Variants in MARCHF1 observed in about 807,000 individuals in gnomAD.
MARCHF1 encodes the protein membrane associated ring-CH-type finger 1, also known as E3 ubiquitin-protein ligase MARCHF1.
Under a neutral mutation model 54.2 loss-of-function variants are expected in MARCHF1, and 40 were observed. The observed-to-expected ratio is 0.74, with a 90% confidence interval of 0.57 to 0.96. MARCHF1 has a LOEUF of 0.96. MARCHF1 is among the 40% of genes least tolerant of loss of function. The probability of loss-of-function intolerance (pLI) is 0.00; values close to 1 mark genes in which losing one functional copy is unlikely to be tolerated. For synonymous variants in MARCHF1, 236 were observed against 236.3 expected, an observed-to-expected ratio of 1.00 and a Z score of 0.01; for missense variants, 586 against 656.5, an observed-to-expected ratio of 0.89 and a Z score of 1.17.
intron 4 of MARCHF1, among the ~76,000 whole-genome samples, chr4:163,772,707 G>GAA (rs1367304794): frequency 6.6e-6 from 1 of 151,916 alleles, no homozygotes; most frequent in Non-Finnish European, 1.5e-5. Flanking sequence ...ACTAGCCAAA[G>GAA]AAAAGCCCTG....
chr4:164,376,592 G>A (rs1218513205), intron 1 of MARCHF1, among the ~76,000 whole-genome samples: 1 of 152,142 alleles, frequency 6.6e-6, no homozygotes, highest in African/African-American at 2.4e-5. Context: ...GCCGGTTGAG[G>A]CTCCTTCTCA....
At chr4:164,012,701 C>T (rs2110946303) in intron 2 of MARCHF1, among the ~76,000 whole-genome samples, 1 of 152,254 alleles carries the variant, frequency 6.6e-6, no homozygotes, top group Non-Finnish European at 1.5e-5. Flanking sequence ...AAGAGAGACT[C>T]CTTTTGATTG....
At chr4:164,017,484 C>T (rs1355552188) in intron 2 of MARCHF1, among the ~76,000 whole-genome samples, 1 of 151,780 alleles carries the variant, frequency 6.6e-6, no homozygotes, top group Admixed American at 6.6e-5. Flanking sequence ...CAATTGAAAA[C>T]CAATATGCAA....
At chr4:164,148,355 A>T (rs551496232) in intron 1 of MARCHF1, among the ~76,000 whole-genome samples, 7 of 152,296 alleles carry the variant, frequency 4.6e-5, no homozygotes, top group African/African-American at 1.7e-4. Flanking sequence ...CTCTTGAAGA[A>T]AATGTCATAC....
At chr4:163,561,476 GAA>G in intron 8 of MARCHF1, among the ~76,000 whole-genome samples, 1 of 152,090 alleles carries the variant, frequency 6.6e-6, no homozygotes, top group East Asian at 1.9e-4. Flanking sequence ...CAAGATTTCT[GAA>G]ATACATCTAT....
chr4:164,001,738 G>A (rs1306864955), intron 2 of MARCHF1, among the ~76,000 whole-genome samples: 3 of 151,800 alleles, frequency 2.0e-5, no homozygotes, highest in African/African-American at 7.2e-5. Flanking sequence ...GAGAGTAATA[G>A]AGATGGATGG....
intron 1 of MARCHF1, chr4:164,190,265 C>G: frequency 9.8e-7 from 1 of 1,020,464 alleles, no homozygotes; most frequent in Non-Finnish European, 1.5e-6. Flanking sequence ...AGCCACTTAT[C>G]AGCAAACTCT....
chr4:164,099,310 A>G lies in MARCHF1; in HGVS notation c.-248+12278T>C, dbSNP rs563558818. ...CTCTTTCCATTTATTTAATAAGAGCAGGTTAGAATGTTAGCACTTTCAATG... is the reference window on the plus strand; with the variant it reads ...CTCTTTCCATTTATTTAATAAGAGCGGGTTAGAATGTTAGCACTTTCAATG... On this transcript the variant is annotated intron_variant, in intron 2 of 9. Transcript: ENST00000514618. Among the ~76,000 whole-genome samples, 8 of 152,346 alleles carry G rather than the reference A, an allele frequency of 5.3e-5. No homozygotes were observed. In the East Asian group the frequency reaches 1.5e-3, roughly 29 times the overall value.
chr4:164,228,021 G>A lies in MARCHF1; in HGVS notation c.-322-116359C>T, dbSNP rs574037510. 1.5e-3 allele frequency among the ~76,000 whole-genome samples: 225 copies of A among 152,248 alleles called. 2 individuals are homozygous for A. The highest frequency in any genetic ancestry group is 2.2e-3 in the Non-Finnish European group (149 of 68,034). On this transcript the variant is annotated intron_variant, in intron 1 of 9. Coordinates refer to ENST00000514618, the MANE Select transcript of MARCHF1 (RefSeq NM_001394959.1). Reference sequence around the variant, plus strand: ...CTCATTTACAAAATTGAAATATTAAGAGGAATTATTCAACAGATATTTTAT... The same window carrying A: ...CTCATTTACAAAATTGAAATATTAAAAGGAATTATTCAACAGATATTTTAT...
chr4:164,352,331 G>A, intron 1 of MARCHF1, among the ~76,000 whole-genome samples: 1 of 116,170 alleles, frequency 8.6e-6, no homozygotes, highest in Non-Finnish European at 1.9e-5. Flanking sequence ...AAGTTGAAAT[G>A]AAGGAAAAAA....
intron 2 of MARCHF1, among the ~76,000 whole-genome samples, chr4:164,016,662 G>A (rs184340417): frequency 1.3e-5 from 2 of 152,230 alleles, no homozygotes; most frequent in African/African-American, 4.8e-5. Flanking sequence ...TGGGAAGGAT[G>A]CTGTGGAGGG....
chr4:164,053,949 C>T (rs960879181), intron 2 of MARCHF1, among the ~76,000 whole-genome samples: 2 of 152,068 alleles, frequency 1.3e-5, no homozygotes, highest in Non-Finnish European at 2.9e-5. Context: ...TAAAGAGCTT[C>T]TGCACAGCAA....
intron 7 of MARCHF1, among the ~76,000 whole-genome samples, chr4:163,590,393 A>G (rs894868153): frequency 2.0e-5 from 3 of 152,038 alleles, no homozygotes; most frequent in Non-Finnish European, 4.4e-5. Flanking sequence ...CAGACATCTC[A>G]GTGTCTTTCA....
chr4:163,564,249 G>A (rs60696742), intron 8 of MARCHF1, among the ~76,000 whole-genome samples: 2,227 of 152,282 alleles, frequency 0.015, 59 homozygotes, highest in African/African-American at 0.051. Flanking sequence ...CAACCAAAAA[G>A]CCTTTGTTGA....
At chr4:164,077,843 G>A (rs771760743) in intron 2 of MARCHF1, among the ~76,000 whole-genome samples, 6 of 152,108 alleles carry the variant, frequency 3.9e-5, no homozygotes, top group Non-Finnish European at 5.9e-5. Context: ...ACCATCTCAC[G>A]CCAGTGAGAA....
At chr4:164,240,871 CAG>C (rs1732722036) in intron 1 of MARCHF1, among the ~76,000 whole-genome samples, 1 of 152,082 alleles carries the variant, frequency 6.6e-6, no homozygotes. Flanking sequence ...TAAAAAGCCA[CAG>C]GGTTAGAATT....
chr4:163,634,714 C>A (rs910649614), intron 5 of MARCHF1, among the ~76,000 whole-genome samples: 17 of 150,948 alleles, frequency 1.1e-4, no homozygotes, highest in African/African-American at 3.4e-4. Context: ...CAAGGATACC[C>A]AGGAATTGAG....
chr4:164,178,767 G>T (rs1730755060), intron 1 of MARCHF1, among the ~76,000 whole-genome samples: 1 of 151,904 alleles, frequency 6.6e-6, no homozygotes, highest in East Asian at 1.9e-4. Flanking sequence ...AAAAATACTG[G>T]TATATTTAAC....
intron 1 of MARCHF1, among the ~76,000 whole-genome samples, chr4:164,343,472 A>G (rs180736868): frequency 6.6e-6 from 1 of 152,278 alleles, no homozygotes; most frequent in African/African-American, 2.4e-5. Flanking sequence ...GCATTCAACA[A>G]AGGTCTAGTA....
Sources: allele counts gnomAD v4.1 joint callset (sites outside exome capture counted in the v4.1 genomes callset), GRCh38; gene constraint gnomAD v4.1.1; transcripts MANE v1.5; gene names NCBI Gene and HGNC (gene_info 2026-07-23, HGNC 2026-07-21).